LAMTOR3: variants seen among roughly 807,000 people sequenced by gnomAD.
The protein encoded by LAMTOR3 is late endosomal/lysosomal adaptor, MAPK and MTOR activator 3.
Under a neutral mutation model 20.3 loss-of-function variants are expected in LAMTOR3, and 14 were observed. The ratio of observed to expected loss-of-function variants is 0.69; its 90% CI spans 0.46 to 1.08. The LOEUF (loss-of-function observed/expected upper bound fraction) is 1.08. Ranked by LOEUF, LAMTOR3 falls within the 50% of genes least tolerant of loss-of-function variation. The probability of loss-of-function intolerance (pLI) is 0.00; values close to 1 mark genes in which losing one functional copy is unlikely to be tolerated. For synonymous variants in LAMTOR3, 40 were observed against 49.4 expected (o/e 0.81, Z 0.80); for missense variants, 125 against 143.7 (o/e 0.87, Z 0.67).
At position 99,881,908 on chromosome 4, in the gene LAMTOR3, A is replaced by G. The variant is rs769136255; in HGVS notation, c.*86T>C. The G allele has an allele frequency of 5.4e-6, 5 of 932,762 alleles. No homozygotes were observed. The highest frequency in any genetic ancestry group is 2.6e-5 in the East Asian group (1 of 39,096). 57.8% of individuals were successfully genotyped at this position (932,762 alleles called of 1,614,324 possible). The stretch of plus-strand genomic sequence containing the variant: ...GGGGCCCTTTCTTGAGCACATGGAT[A>G]AAAGTATTATTGTAGTCTAAAGATT... On this transcript the variant is annotated 3_prime_UTR_variant, in exon 7 of 7. Transcript: ENST00000499666.
rs186804276 is a variant in LAMTOR3, at chr4:99,883,091, T to C, written c.301+971A>G. On this transcript the variant is annotated intron_variant, in intron 6 of 6. Transcript: ENST00000499666. Reference sequence around the variant, plus strand: ...TTAGTATGTGATGATAGGTGATTTATCAAAACTCAGATTTAGTATATTTCC... The same window carrying C: ...TTAGTATGTGATGATAGGTGATTTACCAAAACTCAGATTTAGTATATTTCC... Among the ~76,000 whole-genome samples the C allele has an allele frequency of 1.3e-4, 20 of 152,204 alleles. No homozygotes were observed. The East Asian group carries it at 3.7e-3, about 28-fold the overall frequency.
chr4:99,879,371 G>C lies in LAMTOR3; in HGVS notation c.*2623C>G, dbSNP rs550318136. On this transcript the variant is annotated 3_prime_UTR_variant, in exon 7 of 7. Coordinates refer to ENST00000499666, the MANE Select transcript of LAMTOR3 (RefSeq NM_021970.4). ...ATAGTTTATCTATTATACCCCCTCA[G>C]AAATTTTAACAGTGGCAGCATTCAA... 6.6e-6 allele frequency: 1 copy of C among 152,146 alleles called. No homozygotes were observed. Among genetic ancestry groups the C allele is most frequent in the East Asian group, 1.9e-4 (1 of 5,180 alleles). 9.4% of individuals were successfully genotyped at this position (152,146 alleles called of 1,614,324 possible).
Position 99,879,818 on chromosome 4 carries a change from A to T in LAMTOR3, c.*2176T>A, listed in dbSNP as rs1724788155. The T allele has an allele frequency of 1.3e-5, 2 of 149,422 alleles. No individual in the cohort carries two copies. The highest frequency in any genetic ancestry group is 5.0e-5 in the African/African-American group (2 of 40,028). The allele number at this position is 149,422 out of a possible 1,614,324, so 9.3% of individuals were successfully genotyped here. A position where few individuals can be genotyped will look rare whatever the true frequency, so the allele number is the denominator to read the frequency against. ...GTATAGCCTACTACACACCTAGGCT[A>T]TATGGTATAGCCTACTACTATACAC... On this transcript the variant is annotated 3_prime_UTR_variant, in exon 7 of 7. Transcript: ENST00000499666.
rs536566561 is a variant in LAMTOR3, at chr4:99,879,609, G to A, written c.*2385C>T. ...AATGAGTACATCTAGTATTTCAATT[G>A]TAACAATTAACTACAGTCATGTGTT... On this transcript the variant is annotated 3_prime_UTR_variant, in exon 7 of 7. Coordinates refer to ENST00000499666, the MANE Select transcript of LAMTOR3 (RefSeq NM_021970.4). The A allele has an allele frequency of 2.0e-5, 3 of 152,106 alleles. No individual in the cohort carries two copies. Among genetic ancestry groups the A allele is most frequent in the Admixed American group, 6.5e-5 (1 of 15,284 alleles). 9.4% of individuals were successfully genotyped at this position (152,106 alleles called of 1,614,324 possible).
intron 6 of LAMTOR3, 97 bp downstream of exon 6, chr4:99,883,965 G>T: frequency 2.4e-6 from 2 of 827,472 alleles, no homozygotes; most frequent in Non-Finnish European, 3.8e-6. Flanking sequence ...AAGATTTTTG[G>T]CTCTAAATCT....
chr4:99,892,164 CTG>C, intron 2 of LAMTOR3, 130 bp from the exon 3 acceptor site: 1 of 1,383,932 alleles, frequency 7.2e-7, no homozygotes, highest in South Asian at 1.8e-5. Flanking sequence ...TTATCTTTCT[CTG>C]TCTGATTTGG....
intron 5 of LAMTOR3, 50 bp from the exon 6 acceptor site, chr4:99,884,175 T>C (rs1354973323): frequency 7.2e-7 from 1 of 1,390,054 alleles, no homozygotes; most frequent in Non-Finnish European, 1.0e-6. Context: ...GAAAAGGTAG[T>C]ATAACTAAAC....
At chr4:99,894,300 T>G in intron 1 of LAMTOR3, 35 bp downstream of exon 1, 1 of 279,056 alleles carries the variant, frequency 3.6e-6, no homozygotes, top group Non-Finnish European at 6.7e-6. Context: ...CCTGCGGGAC[T>G]AGGCCTCAAA....
chr4:99,885,513 A>G (rs990194450), intron 5 of LAMTOR3, 29 bp downstream of exon 5: 1 of 1,558,148 alleles, frequency 6.4e-7, no homozygotes, highest in East Asian at 2.3e-5. Flanking sequence ...AACTGAAATC[A>G]GCAAATCATT....
In LAMTOR3 at chr4:99,879,894, G is replaced by A. The variant is rs1413759700; in HGVS notation, c.*2100C>T. 2 of 150,340 alleles carry A rather than the reference G, an allele frequency of 1.3e-5. No individual in the cohort carries two copies. Among genetic ancestry groups the A allele is most frequent in the East Asian group, 3.9e-4 (2 of 5,088 alleles). The allele number at this position is 150,340 out of a possible 1,614,324, so 9.3% of individuals were successfully genotyped here. ...CTACACACCTAGGCTATATGGTATCGCCTACTACTACACACCTAGGCTATA... is the reference window on the plus strand; with the variant it reads ...CTACACACCTAGGCTATATGGTATCACCTACTACTACACACCTAGGCTATA... On this transcript the variant is annotated 3_prime_UTR_variant, in exon 7 of 7. Transcript: ENST00000499666.
At chr4:99,882,332 G>A (rs868792056) in intron 6 of LAMTOR3, among the ~76,000 whole-genome samples, 20 of 152,224 alleles carry the variant, frequency 1.3e-4, no homozygotes, top group African/African-American at 4.8e-4. Flanking sequence ...ATGCTCCAGT[G>A]AGCATTTTCT....
Position 99,879,218 on chromosome 4 carries a change from A to G in LAMTOR3, c.*2776T>C, listed in dbSNP as rs1724772990. Reference sequence around the variant, plus strand: ...AAGTCTTTTTTCTGGGTGAGTACATACCATTGATATCTAGTTGTGCATTCA... The same window carrying G: ...AAGTCTTTTTTCTGGGTGAGTACATGCCATTGATATCTAGTTGTGCATTCA... On this transcript the variant is annotated 3_prime_UTR_variant, in exon 7 of 7. Coordinates refer to ENST00000499666, the MANE Select transcript of LAMTOR3 (RefSeq NM_021970.4). 1 of 152,124 alleles carries G rather than the reference A, an allele frequency of 6.6e-6. No individual in the cohort carries two copies. The highest frequency in any genetic ancestry group is 2.4e-5 in the African/African-American group (1 of 41,418). 9.4% of individuals were successfully genotyped at this position (152,124 alleles called of 1,614,324 possible).
intron 4 of LAMTOR3, among the ~76,000 whole-genome samples, chr4:99,886,561 G>A (rs1318763699): frequency 6.6e-6 from 1 of 152,148 alleles, no homozygotes; most frequent in Non-Finnish European, 1.5e-5. Flanking sequence ...AAACTGCTAA[G>A]AAGTCCAAGT....
intron 3 of LAMTOR3, 24 bp from the exon 4 acceptor site, chr4:99,887,378 T>C: frequency 8.5e-7 from 1 of 1,174,304 alleles, no homozygotes; most frequent in Admixed American, 3.0e-5. Flanking sequence ...ATAGTTAAAA[T>C]ATAAAAAAAG....
At position 99,882,035 on chromosome 4, in the gene LAMTOR3, G is replaced by T. The variant is rs1724837054; in HGVS notation, c.334C>A (p.Pro112Thr). 19 of 1,593,550 alleles carry T rather than the reference G, an allele frequency of 1.2e-5. No homozygotes were observed. Among genetic ancestry groups the T allele is most frequent in the Non-Finnish European group, 1.5e-5 (18 of 1,173,480 alleles). Residue 112 changes from proline (P) to threonine (T), a missense_variant, in exon 7 of 7, where the codon CCA (proline) becomes ACA (threonine). Physicochemically the swap from Pro to Thr is conservative, Grantham distance 38. This residue lies in a region of LAMTOR3 where 22 missense variants were observed against 31.2 expected (regional missense o/e 0.70). Transcript: ENST00000499666. ...LIVSLEKELA[P>T]LFEELRQVVE... ...ACTTGTCTCAGTTCTTCAAACAATG[G>T]AGCAAGTTCCTTTTCTAGGCTGACA...
chr4:99,894,223 A>G (rs1050316300), intron 1 of LAMTOR3, 112 bp downstream of exon 1: 1 of 385,212 alleles, frequency 2.6e-6, no homozygotes, highest in African/African-American at 2.1e-5. Flanking sequence ...CCTCCACCCC[A>G]AAGAGCTAGG....
In LAMTOR3 at chr4:99,879,103, G is replaced by A. The variant is rs1724770918; in HGVS notation, c.*2891C>T. The A allele has an allele frequency of 6.6e-6, 1 of 152,156 alleles. No homozygotes were observed. The highest frequency in any genetic ancestry group is 2.1e-4 in the South Asian group (1 of 4,830). 9.4% of individuals were successfully genotyped at this position (152,156 alleles called of 1,614,324 possible). ...AAGTCACACTTCCCTAGCAGGCATA[G>A]AGAATGCCTGCCCTACTTATTGAAT... On this transcript the variant is annotated 3_prime_UTR_variant, in exon 7 of 7. Coordinates refer to ENST00000499666, the MANE Select transcript of LAMTOR3 (RefSeq NM_021970.4).
intron 3 of LAMTOR3, among the ~76,000 whole-genome samples, chr4:99,888,932 C>T (rs193058983): frequency 1.3e-5 from 2 of 152,242 alleles, no homozygotes; most frequent in Non-Finnish European, 2.9e-5. Context: ...AGGCCGGGCA[C>T]AGTGGCTGAC....
intron 2 of LAMTOR3, 109 bp from the exon 3 acceptor site, chr4:99,892,143 C>T: frequency 7.0e-7 from 1 of 1,423,340 alleles, no homozygotes; most frequent in Non-Finnish European, 9.2e-7. Context: ...CATAACCTTT[C>T]TTGCTGTGTT....
Sources: allele counts gnomAD v4.1 joint callset (sites outside exome capture counted in the v4.1 genomes callset), GRCh38; gene constraint gnomAD v4.1.1; regional missense constraint gnomAD v4.1.1; transcripts MANE v1.5; gene names NCBI Gene and HGNC (gene_info 2026-07-23, HGNC 2026-07-21).